The following MCM9 variants were observed in gnomAD, a reference collection of about 807,000 sequenced individuals.
MCM9 encodes DNA helicase MCM9.
In MCM9, 55 loss-of-function variants were observed where a neutral mutation model predicts 72.8. The observed-to-expected ratio is 0.76, with a 90% CI of 0.61 to 0.95. MCM9 has a LOEUF of 0.95. MCM9 is among the 40% of genes least tolerant of loss of function. The pLI is 0.00. For missense variants in MCM9, 1,279 were observed against 1,377.0 expected (o/e 0.93, Z 1.13); for synonymous variants, 480 against 503.4 (o/e 0.95, Z 0.62).
chr6:118,844,628 G>A (rs1775732785), intron 9 of MCM9, among the ~76,000 whole-genome samples: 2 of 151,736 alleles, frequency 1.3e-5, no homozygotes, highest in African/African-American at 2.4e-5. Context: ...GGCAGAAACT[G>A]TAAAAACTAT....
intron 8 of MCM9, among the ~76,000 whole-genome samples, chr6:118,875,344 T>C (rs1275519192): frequency 6.6e-6 from 1 of 152,184 alleles, no homozygotes; most frequent in Non-Finnish European, 1.5e-5. Context: ...CTAATCAAAC[T>C]TCCAGCAAAA....
At chr6:118,894,292 G>A (rs1779186255) in intron 8 of MCM9, 3 of 1,477,156 alleles carry the variant, frequency 2.0e-6, no homozygotes, top group South Asian at 2.7e-5. Context: ...TTCTCAAGTC[G>A]CCGCTGCACG....
In MCM9 at chr6:118,814,765, T is replaced by C. The variant is rs1773299434; in HGVS notation, c.*59A>G. ...TACATTTATAAATACCATATTGATA[T>C]CCTGAAGGTCCTCTGTGGAGTTGAA... On this transcript the variant is annotated 3_prime_UTR_variant, in exon 14 of 14. Transcript: ENST00000619706. 43 of 1,414,186 alleles carry C rather than the reference T, an allele frequency of 3.0e-5. No individual in the cohort carries two copies. Among genetic ancestry groups the C allele is most frequent in the Non-Finnish European group, 4.0e-5 (43 of 1,066,760 alleles). 87.6% of individuals were successfully genotyped at this position (1,414,186 alleles called of 1,614,324 possible).
At chr6:118,835,826 T>G (rs1243509194) in intron 9 of MCM9, among the ~76,000 whole-genome samples, 1 of 152,068 alleles carries the variant, frequency 6.6e-6, no homozygotes, top group Non-Finnish European at 1.5e-5. Context: ...CCCTTCCTAT[T>G]TGTACCCATT....
chr6:118,839,875 G>A (rs1021560096), intron 9 of MCM9, among the ~76,000 whole-genome samples: 1 of 152,168 alleles, frequency 6.6e-6, no homozygotes, highest in Non-Finnish European at 1.5e-5. Flanking sequence ...GCTTGGAGGT[G>A]TCTCCCAGTC....
chr6:118,887,598 C>G lies in MCM9; in HGVS notation c.1150+24052G>C, dbSNP rs181386469. On this transcript the variant is annotated intron_variant, in intron 8 of 13. Transcript: ENST00000619706. ...TTTTTGAGAAATGACATCAAAAGCA[C>G]AATCCAACATAACGAAAATAGATTA... Among the ~76,000 whole-genome samples, 209 of 152,190 alleles carry G rather than the reference C, an allele frequency of 1.4e-3. 1 individual carries two copies. Among genetic ancestry groups the G allele is most frequent in the Admixed American group, 2.2e-3 (34 of 15,286 alleles).
At chr6:118,885,732 C>T (rs551719227) in intron 8 of MCM9, among the ~76,000 whole-genome samples, 1 of 151,988 alleles carries the variant, frequency 6.6e-6, no homozygotes, top group Non-Finnish European at 1.5e-5. Flanking sequence ...TGAATTCCAC[C>T]GAAAATTTAA....
intron 13 of MCM9, among the ~76,000 whole-genome samples, chr6:118,822,579 T>G (rs754095313): frequency 3.3e-5 from 5 of 152,148 alleles, no homozygotes; most frequent in Non-Finnish European, 7.4e-5. Context: ...TCTCTCTCAG[T>G]CAGGAGGCAC....
chr6:118,826,498 G>A (rs1774175834), intron 12 of MCM9, among the ~76,000 whole-genome samples: 1 of 152,080 alleles, frequency 6.6e-6, no homozygotes. Context: ...AAGCTATACT[G>A]TCACTGGTGG....
Position 118,923,841 on chromosome 6 carries a change from T to G in MCM9, c.591A>C (p.Arg197Ser), listed in dbSNP as rs1044080807. 6.2e-7 allele frequency: 1 copy of G among 1,614,050 alleles called. No homozygotes were observed. The highest frequency in any genetic ancestry group is 1.3e-5 in the African/African-American group (1 of 74,938). Reference sequence around the variant, plus strand: ...CCTGAATTTTGATTTCCTGGTAATCTCTACACCTGGTTGGAGACGAAGACA... The same window carrying G: ...CCTGAATTTTGATTTCCTGGTAATCGCTACACCTGGTTGGAGACGAAGACA... Reference protein sequence around the residue: ...SGLSSSPTRCRDYQEIKIQEQ... With the variant: ...SGLSSSPTRCSDYQEIKIQEQ... Residue 197 changes from arginine to serine, a missense_variant, in exon 4 of 14, where the codon AGA becomes AGC. By Grantham distance (110) the Arg-to-Ser change is moderately radical. Transcript: ENST00000619706.
intron 9 of MCM9, among the ~76,000 whole-genome samples, chr6:118,832,677 C>A (rs538528510): frequency 7.2e-5 from 11 of 152,326 alleles, no homozygotes; most frequent in African/African-American, 2.6e-4. Context: ...ACAGTAGTAA[C>A]TGTTCTACTA....
chr6:118,932,524 G>T, intron 2 of MCM9, 83 bp downstream of exon 2: 2 of 789,458 alleles, frequency 2.5e-6, no homozygotes, highest in Middle Eastern at 6.4e-4. Context: ...TATGAACACA[G>T]TGTCATTCTT....
chr6:118,875,008 G>GA (rs1777846818), intron 8 of MCM9, among the ~76,000 whole-genome samples: 1 of 152,198 alleles, frequency 6.6e-6, no homozygotes, highest in Admixed American at 6.5e-5. Flanking sequence ...AGCTTCTTGG[G>GA]AGGCTGAGAC....
At chr6:118,904,789 T>C (rs1780058499) in intron 8 of MCM9, among the ~76,000 whole-genome samples, 1 of 152,250 alleles carries the variant, frequency 6.6e-6, no homozygotes, top group Non-Finnish European at 1.5e-5. Context: ...TAGAGGATTA[T>C]TAATATTTTT....
chr6:118,926,311 T>A (rs765415162), intron 3 of MCM9, among the ~76,000 whole-genome samples: 2 of 152,182 alleles, frequency 1.3e-5, no homozygotes, highest in Non-Finnish European at 2.9e-5. Flanking sequence ...TTGAACATAC[T>A]CAGAATACTA....
At chr6:118,841,376 T>C (rs1190053030) in intron 9 of MCM9, among the ~76,000 whole-genome samples, 1 of 152,102 alleles carries the variant, frequency 6.6e-6, no homozygotes, top group East Asian at 1.9e-4. Flanking sequence ...TGCCTCTCTC[T>C]CCTCTGGCCC....
intron 5 of MCM9, chr6:118,919,403 C>T (rs1781249093): frequency 6.6e-6 from 1 of 152,190 alleles, no homozygotes; most frequent in South Asian, 2.1e-4. Context: ...ATTATATTTA[C>T]ATCACAGTAC....
At chr6:118,932,546 C>T in intron 2 of MCM9, 61 bp downstream of exon 2, 2 of 919,478 alleles carry the variant, frequency 2.2e-6, no homozygotes, top group Non-Finnish European at 2.6e-6. Flanking sequence ...CGTGTGCTCT[C>T]TCTCTCTTTA....
intron 8 of MCM9, among the ~76,000 whole-genome samples, chr6:118,891,716 T>C (rs1778954840): frequency 6.6e-6 from 1 of 152,148 alleles, no homozygotes. Context: ...ACATACGAAT[T>C]TGGGGGAGAC....
Sources: allele counts gnomAD v4.1 joint callset (sites outside exome capture counted in the v4.1 genomes callset), GRCh38; gene constraint gnomAD v4.1.1; transcripts MANE v1.5; gene names NCBI Gene and HGNC (gene_info 2026-07-23, HGNC 2026-07-21).